KMT5A: variants seen among roughly 807,000 people sequenced by gnomAD.
KMT5A encodes lysine methyltransferase 5A.
A neutral mutation model predicts 40.6 loss-of-function variants in KMT5A; 6 were observed. The observed-to-expected ratio is 0.15, with a 90% CI of 0.08 to 0.29. The LOEUF (loss-of-function observed/expected upper bound fraction) is 0.29. Among genes scored for constraint, KMT5A ranks in the 10% least tolerant of loss-of-function variants. The pLI is 1.00. For synonymous variants in KMT5A, 153 were observed against 178.8 expected (o/e 0.86, Z 1.15); for missense variants, 308 against 459.1 (o/e 0.67, Z 3.01).
chr12:123,401,362 A>G (rs1475174357), intron 5 of KMT5A, among the ~76,000 whole-genome samples: 1 of 149,384 alleles, frequency 6.7e-6, no homozygotes, highest in Non-Finnish European at 1.5e-5. Context: ...GTTAGCCAGG[A>G]TGGTCTCGAT....
intron 3 of KMT5A, among the ~76,000 whole-genome samples, chr12:123,393,739 A>AAC (rs1877482193): frequency 6.6e-6 from 1 of 152,034 alleles, no homozygotes; most frequent in Admixed American, 6.6e-5. Context: ...ATGGGGTTTT[A>AAC]CCATCTTGGC....
intron 5 of KMT5A, among the ~76,000 whole-genome samples, chr12:123,402,840 A>C (rs556659718): frequency 1.3e-5 from 2 of 152,328 alleles, no homozygotes; most frequent in East Asian, 3.9e-4. Context: ...AGTATGAGCC[A>C]TCAGACCAGA....
rs180732511 is a variant in KMT5A, at chr12:123,404,613, C to T, written c.658-271C>T. The stretch of plus-strand genomic sequence containing the variant: ...CAGTCTCCACCTAGCAGATCTCTCA[C>T]GAGCTCTGATGTAACTGCTTTGCAG... On this transcript the variant is annotated intron_variant, in intron 6 of 7. Coordinates refer to ENST00000402868, the MANE Select transcript of KMT5A (RefSeq NM_020382.7). 5.7e-4 allele frequency among the ~76,000 whole-genome samples: 87 copies of T among 152,316 alleles called. 1 individual carries two copies. The highest frequency in any genetic ancestry group is 1.9e-3 in the African/African-American group (77 of 41,572).
At chr12:123,389,249 G>C (rs1179727832) in intron 1 of KMT5A, 184 bp from the exon 2 acceptor site, 3 of 161,606 alleles carry the variant, frequency 1.9e-5, no homozygotes, top group African/African-American at 7.8e-5. Flanking sequence ...GCCGGGCGGC[G>C]GGAGGGCGAC....
intron 6 of KMT5A, among the ~76,000 whole-genome samples, chr12:123,403,989 C>T (rs1249475723): frequency 6.6e-6 from 1 of 152,082 alleles, no homozygotes; most frequent in African/African-American, 2.4e-5. Context: ...CATTACTTAC[C>T]ACTGCCCACC....
At chr12:123,407,003 G>A (rs1235200026) in intron 7 of KMT5A, among the ~76,000 whole-genome samples, 1 of 126,600 alleles carries the variant, frequency 7.9e-6, no homozygotes, top group East Asian at 2.3e-4. Context: ...GCGACAGAGC[G>A]ACGAGACTCC....
At chr12:123,392,200 A>G (rs1208644132) in intron 3 of KMT5A, among the ~76,000 whole-genome samples, 1 of 152,216 alleles carries the variant, frequency 6.6e-6, no homozygotes, top group East Asian at 1.9e-4. Flanking sequence ...TGTGGCACTT[A>G]GAATTCCTGC....
At chr12:123,401,434 C>A (rs559207977) in intron 5 of KMT5A, among the ~76,000 whole-genome samples, 2 of 150,370 alleles carry the variant, frequency 1.3e-5, no homozygotes, top group Admixed American at 6.7e-5. Context: ...AGGTGTATAT[C>A]TTTCTTTTTT....
intron 3 of KMT5A, among the ~76,000 whole-genome samples, chr12:123,393,674 G>A (rs144563725): frequency 0.013 from 1,991 of 152,064 alleles, 19 homozygotes; most frequent in Admixed American, 0.021. Context: ...CAAATAGCTG[G>A]GATTATAGGC....
intron 4 of KMT5A, 39 bp downstream of exon 4, chr12:123,395,305 G>A (rs1877630716): frequency 6.3e-7 from 1 of 1,588,914 alleles, no homozygotes. Context: ...ACGTGGAGCA[G>A]TTTGGTTCCT....
Position 123,384,192 on chromosome 12 carries a change from T to TGGA in KMT5A, c.-5_-3dup. 1 of 1,613,428 alleles carries TGGA rather than the reference T, an allele frequency of 6.2e-7. No individual in the cohort carries two copies. Among genetic ancestry groups the TGGA allele is most frequent in the Non-Finnish European group, 8.5e-7 (1 of 1,179,738 alleles). ...CGGGAGATCCCAGGCGGTGACAGAG[T>TGGA]GGAGCCATGGCTAGAGGTATTTGCC... is the stretch of plus-strand genomic sequence containing the variant. On this transcript the variant is annotated 5_prime_UTR_variant, in exon 1 of 8. Transcript: ENST00000402868. The surrounding 1 kb of genome is among the most constrained non-coding windows in gnomAD (Gnocchi z 5.7).
At position 123,407,944 on chromosome 12, in the gene KMT5A, C is replaced by G. The variant is rs899825565; in HGVS notation, c.*241C>G. On this transcript the variant is annotated 3_prime_UTR_variant, in exon 8 of 8. Coordinates refer to ENST00000402868, the MANE Select transcript of KMT5A (RefSeq NM_020382.7). ...CTTTTATATTCTAGTTGTTTTTGTA[C>G]TTTTTTTGCATACAAGCCGAACGTT... 1.2e-5 allele frequency: 6 copies of G among 506,712 alleles called. No individual in the cohort carries two copies. The highest frequency in any genetic ancestry group is 7.4e-5 in the South Asian group (3 of 40,416). The allele number at this position is 506,712 out of a possible 1,614,324, so 31.4% of individuals were successfully genotyped here.
At chr12:123,387,316 C>A (rs1876933337) in intron 1 of KMT5A, among the ~76,000 whole-genome samples, 1 of 152,154 alleles carries the variant, frequency 6.6e-6, no homozygotes, top group Non-Finnish European at 1.5e-5. Context: ...GGCTCAAATG[C>A]AGAGAAAGCT....
intron 2 of KMT5A, among the ~76,000 whole-genome samples, chr12:123,390,352 C>T (rs140782374): frequency 3.9e-4 from 59 of 152,292 alleles, no homozygotes; most frequent in African/African-American, 1.2e-3. Context: ...GGTAGGCTGT[C>T]TTCTTCCTAT....
intron 5 of KMT5A, among the ~76,000 whole-genome samples, chr12:123,401,007 C>G (rs1878112990): frequency 6.6e-6 from 1 of 151,482 alleles, no homozygotes; most frequent in Admixed American, 6.6e-5. Flanking sequence ...GTTGGCCAGG[C>G]TGGTCTCGAA....
intron 3 of KMT5A, among the ~76,000 whole-genome samples, chr12:123,394,020 T>G (rs1222683282): frequency 1.3e-5 from 2 of 152,166 alleles, no homozygotes; most frequent in Non-Finnish European, 2.9e-5. Context: ...GTGTTTAACT[T>G]TTTGGGAAAA....
rs1438465486 is a variant in KMT5A, at chr12:123,384,894, T to G, written c.10+686T>G. On this transcript the variant is annotated intron_variant, in intron 1 of 7. Coordinates refer to ENST00000402868, the MANE Select transcript of KMT5A (RefSeq NM_020382.7). This position sits in a 1 kb window ranked among gnomAD's most constrained non-coding sequence, Gnocchi z 5.7. The stretch of plus-strand genomic sequence containing the variant: ...AGGCGATGCCCTGTCTGAAGTCCTC[T>G]GCATACTTAGTTGGCTGTCAGGACA... 6.6e-6 allele frequency among the ~76,000 whole-genome samples: 1 copy of G among 152,224 alleles called. No homozygotes were observed. Among genetic ancestry groups the G allele is most frequent in the African/African-American group, 2.4e-5 (1 of 41,470 alleles).
In KMT5A at chr12:123,386,238, CAG is replaced by C. The variant is rs1346759585; in HGVS notation, c.10+2033_10+2034del. ...TTTTTTTTTTTTTTTTTTTTTGAGACAGAGTCTCTCTCTGTCACCCAGGCTGG... is the reference window on the plus strand; with the variant it reads ...TTTTTTTTTTTTTTTTTTTTTGAGACAGTCTCTCTCTGTCACCCAGGCTGG... On this transcript the variant is annotated intron_variant, in intron 1 of 7. Transcript: ENST00000402868. 4.3e-5 allele frequency among the ~76,000 whole-genome samples: 5 copies of C among 116,238 alleles called. No homozygotes were observed. The Admixed American group carries it at 5.6e-4, about 13-fold the overall frequency. 76.3% of individuals were successfully genotyped at this position (116,238 alleles called of 152,430 possible). A position where few individuals can be genotyped will look rare whatever the true frequency, so the allele number is the denominator to read the frequency against.
intron 1 of KMT5A, 75 bp from the exon 2 acceptor site, chr12:123,389,358 C>T: frequency 1.0e-6 from 1 of 954,536 alleles, no homozygotes. Flanking sequence ...GGCGCCCGGC[C>T]CGGGCGGCCC....
Sources: allele counts gnomAD v4.1 joint callset (sites outside exome capture counted in the v4.1 genomes callset), GRCh38; gene constraint gnomAD v4.1.1; non-coding constraint Gnocchi (gnomAD v3.1); transcripts MANE v1.5; gene names NCBI Gene and HGNC (gene_info 2026-07-23, HGNC 2026-07-21).